The following SLC28A3 variants were observed in gnomAD, a reference collection of about 807,000 sequenced individuals.
SLC28A3 encodes solute carrier family 28 member 3.
In SLC28A3, 68 loss-of-function variants were observed where a neutral mutation model predicts 84.2. The ratio of observed to expected loss-of-function variants is 0.81; its 90% CI spans 0.66 to 0.99. SLC28A3 has a LOEUF of 0.99. SLC28A3 is among the 50% of genes least tolerant of loss of function. The pLI is 0.00. For synonymous variants in SLC28A3, 267 were observed against 303.6 expected, an observed-to-expected ratio of 0.88 and a Z score of 1.25; for missense variants, 712 against 841.5, an observed-to-expected ratio of 0.85 and a Z score of 1.90.
At position 84,309,638 on chromosome 9, in the gene SLC28A3, T is replaced by C. The variant is rs1012786225; in HGVS notation, c.233A>G (p.Gln78Arg). 1 of 1,613,578 alleles carries C rather than the reference T, an allele frequency of 6.2e-7. No homozygotes were observed. Among genetic ancestry groups the C allele is most frequent in the Non-Finnish European group, 8.5e-7 (1 of 1,179,722 alleles). Residue 78 changes from glutamine to arginine, a missense_variant, in exon 3 of 18, where the codon CAA (glutamine) becomes CGA (arginine). By Grantham distance (43) the Gln-to-Arg change is conservative. Coordinates refer to ENST00000376238, the MANE Select transcript of SLC28A3 (RefSeq NM_001199633.2). ...EHMEDDDEEM[Q>R]QKGCLERRYD... Reference sequence around the variant, plus strand: ...GTTTTAAAGACTGTACCCTTTTTGTTGCATCTCCTCATCATCATCCTCCAT... The same window carrying C: ...GTTTTAAAGACTGTACCCTTTTTGTCGCATCTCCTCATCATCATCCTCCAT...
intron 1 of SLC28A3, among the ~76,000 whole-genome samples, chr9:84,325,923 A>G (rs1017771692): frequency 1.3e-5 from 2 of 152,204 alleles, no homozygotes; most frequent in Admixed American, 1.3e-4. Flanking sequence ...TTTAAAGGAA[A>G]AAGAAGAGAA....
rs3812512 is a variant in SLC28A3 at position 84,296,909 on chromosome 9, G to A, written c.861+312C>T. Among the ~76,000 whole-genome samples, 3,852 of 152,302 alleles carry A rather than the reference G, an allele frequency of 0.025. 290 individuals are homozygous for A. The East Asian group carries it at 0.26, about 10-fold the overall frequency. On this transcript the variant is annotated intron_variant, in intron 8 of 17. Transcript: ENST00000376238. ...CATAATATTCTTTTCCCTGAAGGCC[G>A]AAGGTGCTATTACCCTTTTGATTTT... is the stretch of plus-strand genomic sequence containing the variant.
chr9:84,283,785 C>T (rs1012207890), intron 14 of SLC28A3, among the ~76,000 whole-genome samples: 5 of 152,204 alleles, frequency 3.3e-5, no homozygotes, highest in Non-Finnish European at 7.3e-5. Flanking sequence ...GGTTTTGCCT[C>T]ACGGACCCAC....
In SLC28A3 at chr9:84,290,163, A is replaced by C. The variant is rs1486578820; in HGVS notation, c.1140T>G (p.Ile380Met). Residue 380 changes from isoleucine to methionine, a missense_variant, in exon 11 of 18, where the codon ATT becomes ATG. Physicochemically the swap from Ile to Met is conservative, Grantham distance 10 (BLOSUM62 1). Transcript: ENST00000376238. ...TCCAAAACATTCTTACCCCAAAAGA[A>C]ATGTATGCACCTAGCACGCTTCCAG... ...TIAGSVLGAYISFGVPSSHLL... is the reference protein window; with the variant it reads ...TIAGSVLGAYMSFGVPSSHLL... 6.2e-7 allele frequency: 1 copy of C among 1,613,696 alleles called. No individual in the cohort carries two copies. Among genetic ancestry groups the C allele is most frequent in the Admixed American group, 1.7e-5 (1 of 59,990 alleles).
chr9:84,341,151 A>G (rs543969278), upstream of SLC28A3, among the ~76,000 whole-genome samples: 132 of 152,064 alleles, frequency 8.7e-4, no homozygotes, highest in African/African-American at 3.0e-3. Context: ...CTTTATTTTT[A>G]GTAGAGACGG....
intron 9 of SLC28A3, 28 bp downstream of exon 9, chr9:84,294,167 A>G (rs10868137): frequency 0.13 from 202,496 of 1,610,398 alleles, 13,356 homozygotes; most frequent in Admixed American, 0.18. Flanking sequence ...CTCTACACCT[A>G]TAACCCAGTC....
At chr9:84,310,723 TAGG>T (rs1479821828) in intron 2 of SLC28A3, 2 of 465,474 alleles carry the variant, frequency 4.3e-6, no homozygotes, top group African/African-American at 4.2e-5. Context: ...GGCTGGACCC[TAGG>T]AACAAGGAAG....
intron 1 of SLC28A3, among the ~76,000 whole-genome samples, chr9:84,331,618 G>A (rs1458982101): frequency 6.6e-6 from 1 of 152,148 alleles, no homozygotes; most frequent in African/African-American, 2.4e-5. Context: ...CCTCTCCCAA[G>A]ACTTTCGTAA....
At chr9:84,356,877 A>G in the SLC28A3 span, among the ~76,000 whole-genome samples, 5 of 152,168 alleles carry the variant, frequency 3.3e-5, no homozygotes, top group Non-Finnish European at 7.3e-5. Flanking sequence ...AAATTTATCA[A>G]AATGAAACTG....
chr9:84,318,015 T>G (rs906562366), intron 1 of SLC28A3, among the ~76,000 whole-genome samples: 4 of 152,224 alleles, frequency 2.6e-5, no homozygotes, highest in African/African-American at 2.4e-5. Flanking sequence ...TAAATGTTAT[T>G]CTTCGACTGC....
chr9:84,279,359 T>G lies in SLC28A3; in HGVS notation c.1855A>C (p.Ile619Leu). ...AGILSSTPVD[I>L]NCHHVLENAF... is the part of the protein sequence containing the mutation. Reference sequence around the variant, plus strand: ...TTCTCTAAAACGTGATGGCAGTTGATGTCCACAGGAGTGCTGGAGAGTATG... The same window carrying G: ...TTCTCTAAAACGTGATGGCAGTTGAGGTCCACAGGAGTGCTGGAGAGTATG... The change falls in exon 17 of 18, where the codon ATC (isoleucine) becomes CTC (leucine). Residue 619 changes from isoleucine to leucine, a missense_variant. By Grantham distance (5) the Ile-to-Leu change is conservative. Coordinates refer to ENST00000376238, the MANE Select transcript of SLC28A3 (RefSeq NM_001199633.2). 1 of 1,612,804 alleles carries G rather than the reference T, an allele frequency of 6.2e-7. No individual in the cohort carries two copies.
At chr9:84,349,056 A>C in the SLC28A3 span, among the ~76,000 whole-genome samples, 3 of 152,132 alleles carry the variant, frequency 2.0e-5, no homozygotes, top group Non-Finnish European at 4.4e-5. Context: ...TGTGAGCAAC[A>C]AGGCTGTTTA....
chr9:84,348,067 T>C, the SLC28A3 span, among the ~76,000 whole-genome samples: 7 of 152,090 alleles, frequency 4.6e-5, no homozygotes, highest in Non-Finnish European at 1.0e-4. Context: ...AAGTGCAGGG[T>C]TGGCACTTGA....
chr9:84,278,375 G>A, intron 17 of SLC28A3, 31 bp from the exon 18 acceptor site: 1 of 1,613,208 alleles, frequency 6.2e-7, no homozygotes, highest in South Asian at 1.1e-5. Context: ...ACAGTTACAT[G>A]AGCCATAGAT....
intron 11 of SLC28A3, 113 bp from the exon 12 acceptor site, chr9:84,288,291 C>T (rs1825078504): frequency 6.8e-7 from 1 of 1,460,852 alleles, no homozygotes; most frequent in Non-Finnish European, 9.3e-7. Flanking sequence ...GTTTCTATTC[C>T]AGAAGACAAT....
chr9:84,313,266 G>A, intron 2 of SLC28A3, 93 bp downstream of exon 2: 1 of 1,045,652 alleles, frequency 9.6e-7, no homozygotes. Context: ...GCGTGCCAGT[G>A]GGGCGCCATG....
intron 1 of SLC28A3, among the ~76,000 whole-genome samples, chr9:84,315,587 G>A (rs1303637945): frequency 2.6e-5 from 4 of 152,178 alleles, no homozygotes; most frequent in South Asian, 2.1e-4. Context: ...ACAAGAGCAC[G>A]TGTGGTTTTG....
At chr9:84,297,619 G>C (rs1825467042) in intron 7 of SLC28A3, among the ~76,000 whole-genome samples, 1 of 152,212 alleles carries the variant, frequency 6.6e-6, no homozygotes, top group African/African-American at 2.4e-5. Context: ...AAGGAAGCCT[G>C]TTTCTCTGTC....
rs1000072622 is a variant in SLC28A3 at position 84,310,521 on chromosome 9, C to T, written c.157-807G>A. On this transcript the variant is annotated intron_variant, in intron 2 of 17. Coordinates refer to ENST00000376238, the MANE Select transcript of SLC28A3 (RefSeq NM_001199633.2). The stretch of plus-strand genomic sequence containing the variant: ...ATGGAGGTGGAGCAGTTTGAGTGTG[C>T]TCTAAGAAGTATAATGTCAAATCTC... 9.1e-6 allele frequency: 9 copies of T among 985,306 alleles called. No individual in the cohort carries two copies. The African/African-American group carries it at 1.6e-4, about 17-fold the overall frequency. The allele number at this position is 985,306 out of a possible 1,614,324, so 61.0% of individuals were successfully genotyped here. A position where few individuals can be genotyped will look rare whatever the true frequency, so the allele number is the denominator to read the frequency against.
Sources: allele counts gnomAD v4.1 joint callset (sites outside exome capture counted in the v4.1 genomes callset), GRCh38; gene constraint gnomAD v4.1.1; transcripts MANE v1.5; gene names NCBI Gene and HGNC (gene_info 2026-07-23, HGNC 2026-07-21).